ARHGEF3: variants seen among roughly 807,000 people sequenced by gnomAD.
The protein encoded by ARHGEF3 is Rho guanine nucleotide exchange factor 3, also known as 59.8 kDA protein.
Under a neutral mutation model 63.2 loss-of-function variants are expected in ARHGEF3, and 28 were observed. That is an observed-to-expected ratio of 0.44 (90% CI 0.33 to 0.61). The LOEUF is 0.61. Ranked by LOEUF, ARHGEF3 falls within the 20% of genes least tolerant of loss-of-function variation. ARHGEF3 has a pLI of 0.03. For synonymous variants in ARHGEF3, 266 were observed against 254.2 expected (o/e 1.05, Z -0.44); for missense variants, 533 against 659.3 (o/e 0.81, Z 2.10).
chr3:56,827,943 T>TC (rs2038790757), intron 4 of ARHGEF3, among the ~76,000 whole-genome samples: 1 of 3,254 alleles, frequency 3.1e-4, no homozygotes, highest in African/African-American at 1.1e-3. Context: ...AGATTCTGTC[T>TC]CAAAAAAAAA....
chr3:56,814,506 T>C (rs1184132486), intron 4 of ARHGEF3, among the ~76,000 whole-genome samples: 1 of 152,208 alleles, frequency 6.6e-6, no homozygotes, highest in Non-Finnish European at 1.5e-5. Flanking sequence ...AAACATCAGT[T>C]TAAGCATCTA....
intron 1 of ARHGEF3, among the ~76,000 whole-genome samples, chr3:57,070,956 A>G (rs372757578): frequency 8.2e-5 from 12 of 146,466 alleles, no homozygotes; most frequent in African/African-American, 2.6e-4. Context: ...TGGGTGACAG[A>G]GCAAGACTCT....
In ARHGEF3 at chr3:56,729,170, A is replaced by G. The variant is rs1441508985; in HGVS notation, c.*100T>C. 3.8e-6 allele frequency: 4 copies of G among 1,061,994 alleles called. No individual in the cohort carries two copies. The highest frequency in any genetic ancestry group is 1.7e-5 in the South Asian group (1 of 60,526). The allele number at this position is 1,061,994 out of a possible 1,614,324, so 65.8% of individuals were successfully genotyped here. ...ACTGGGCCAACATGTATACTTTCAC[A>G]AAAGTATGAAAAAGTGCTTCTCCAA... On this transcript the variant is annotated 3_prime_UTR_variant, in exon 10 of 10. Coordinates refer to ENST00000296315, the MANE Select transcript of ARHGEF3 (RefSeq NM_019555.3).
intron 2 of ARHGEF3, among the ~76,000 whole-genome samples, chr3:57,019,800 T>C (rs9830282): frequency 0.031 from 4,719 of 152,272 alleles, 284 homozygotes; most frequent in African/African-American, 0.11. Context: ...GCTGAGAGGC[T>C]GGGGGTAAGG....
Position 57,050,671 on chromosome 3 carries a change from G to A in ARHGEF3, c.-27-15495C>T, listed in dbSNP as rs534220877. ...GGAAAGGCTGTGAACACCACAGAAG[G>A]GAGCAAGGATGTAAGCCCCAGGGCC... On this transcript the variant is annotated intron_variant, in intron 1 of 12. Transcript: ENST00000338458. Among the ~76,000 whole-genome samples the A allele has an allele frequency of 2.6e-5, 4 of 152,332 alleles. No individual in the cohort carries two copies. In the East Asian group the frequency reaches 5.8e-4, roughly 22 times the overall value.
At chr3:56,996,595 C>T (rs1301294445) in intron 2 of ARHGEF3, among the ~76,000 whole-genome samples, 1 of 152,234 alleles carries the variant, frequency 6.6e-6, no homozygotes, top group East Asian at 1.9e-4. Context: ...GCTGAATCTG[C>T]TGGCACCTTG....
chr3:57,004,974 A>G (rs900777027), intron 2 of ARHGEF3, among the ~76,000 whole-genome samples: 7 of 148,144 alleles, frequency 4.7e-5, no homozygotes, highest in African/African-American at 1.7e-4. Context: ...ATAAATAAAT[A>G]TATATATATA....
At chr3:56,964,541 T>C (rs922074304) in intron 2 of ARHGEF3, among the ~76,000 whole-genome samples, 4 of 152,162 alleles carry the variant, frequency 2.6e-5, no homozygotes, top group Non-Finnish European at 5.9e-5. Context: ...ACCAATATTA[T>C]TGAGCAGCTA....
intron 3 of ARHGEF3, among the ~76,000 whole-genome samples, chr3:56,913,253 T>C (rs1449974368): frequency 1.3e-5 from 2 of 151,838 alleles, no homozygotes; most frequent in African/African-American, 2.4e-5. Flanking sequence ...ATATAATATA[T>C]CTGAAAAGAG....
Position 56,737,258 on chromosome 3 carries a change from C to A in ARHGEF3, c.968G>T (p.Gly323Val). 1 of 1,613,970 alleles carries A rather than the reference C, an allele frequency of 6.2e-7. No individual in the cohort carries two copies. Among genetic ancestry groups the A allele is most frequent in the Non-Finnish European group, 8.5e-7 (1 of 1,179,880 alleles). Reference sequence around the variant, plus strand: ...GCTGTCGATCAGGGAGTCTTTCTGGCCTTCTTCCAAGTAAAGAAGCCGCTC... The same window carrying A: ...GCTGTCGATCAGGGAGTCTTTCTGGACTTCTTCCAAGTAAAGAAGCCGCTC... ...YKERLLYLEE[G>V]QKDSLIDSSR... The change falls in exon 8 of 10, where the codon GGC becomes GTC. Residue 323 changes from glycine to valine, a missense_variant. Transcript: ENST00000296315.
intron 4 of ARHGEF3, among the ~76,000 whole-genome samples, chr3:56,837,238 G>T (rs763024224): frequency 2.0e-5 from 3 of 152,086 alleles, no homozygotes; most frequent in Non-Finnish European, 4.4e-5. Flanking sequence ...AAATAAAAGA[G>T]ACTTTACTTA....
chr3:57,011,030 T>C (rs1702676394), intron 2 of ARHGEF3, among the ~76,000 whole-genome samples: 1 of 152,052 alleles, frequency 6.6e-6, no homozygotes, highest in South Asian at 2.1e-4. Flanking sequence ...CAAAGTAGAC[T>C]TTAGTATGAG....
At chr3:56,768,287 G>A (rs149629087) in intron 2 of ARHGEF3, among the ~76,000 whole-genome samples, 74 of 152,224 alleles carry the variant, frequency 4.9e-4, no homozygotes, top group East Asian at 9.6e-4. Context: ...TCGAACTCCT[G>A]ACCTCTGGTG....
At chr3:56,911,037 C>G (rs2041840556) in intron 3 of ARHGEF3, among the ~76,000 whole-genome samples, 1 of 152,154 alleles carries the variant, frequency 6.6e-6, no homozygotes, top group African/African-American at 2.4e-5. Context: ...TACGTCTCCA[C>G]TGGTTCTGCT....
chr3:57,020,438 G>A (rs561192440), intron 2 of ARHGEF3, among the ~76,000 whole-genome samples: 1 of 152,216 alleles, frequency 6.6e-6, no homozygotes, highest in African/African-American at 2.4e-5. Flanking sequence ...TTCCCATTGG[G>A]GGACCACCCC....
chr3:57,056,061 C>T (rs1704917724), intron 1 of ARHGEF3, among the ~76,000 whole-genome samples: 1 of 152,076 alleles, frequency 6.6e-6, no homozygotes, highest in Non-Finnish European at 1.5e-5. Flanking sequence ...CTACTGTCAC[C>T]ATGCTCACAG....
At chr3:56,972,895 C>T (rs868389855) in intron 2 of ARHGEF3, among the ~76,000 whole-genome samples, 18 of 151,700 alleles carry the variant, frequency 1.2e-4, no homozygotes, top group East Asian at 3.9e-4. Context: ...CTCCAGGTGG[C>T]GAGACGGGGG....
At chr3:56,879,727 C>T (rs2040705592) in intron 4 of ARHGEF3, among the ~76,000 whole-genome samples, 1 of 151,926 alleles carries the variant, frequency 6.6e-6, no homozygotes, top group Non-Finnish European at 1.5e-5. Context: ...TGCCAGTTAG[C>T]TCAGGGACAG....
intron 2 of ARHGEF3, among the ~76,000 whole-genome samples, chr3:57,030,974 C>G (rs549811264): frequency 6.6e-6 from 1 of 152,346 alleles, no homozygotes; most frequent in Non-Finnish European, 1.5e-5. Flanking sequence ...GGCCTGTGGG[C>G]AGGGATTCCA....
Sources: allele counts gnomAD v4.1 joint callset (sites outside exome capture counted in the v4.1 genomes callset), GRCh38; gene constraint gnomAD v4.1.1; transcripts MANE v1.5; gene names NCBI Gene and HGNC (gene_info 2026-07-23, HGNC 2026-07-21).